Variants in LHFPL6 observed in about 807,000 individuals in gnomAD.
LHFPL6 encodes the protein LHFPL tetraspan subfamily member 6.
LHFPL6 carries 9 observed loss-of-function variants against 20.6 expected under a neutral mutation model. The observed-to-expected ratio is 0.44, with a 90% CI of 0.26 to 0.76. LHFPL6 has a LOEUF of 0.76. Ranked by LOEUF, LHFPL6 falls within the 30% of genes least tolerant of loss-of-function variation. The probability of loss-of-function intolerance (pLI) is 0.20; values close to 1 mark genes in which losing one functional copy is unlikely to be tolerated. For synonymous variants in LHFPL6, 105 were observed against 98.7 expected (o/e 1.06, Z -0.38); for missense variants, 218 against 253.5 (o/e 0.86, Z 0.95).
At chr13:39,490,490 T>C (rs923244658) in intron 2 of LHFPL6, among the ~76,000 whole-genome samples, 1 of 152,206 alleles carries the variant, frequency 6.6e-6, no homozygotes, top group African/African-American at 2.4e-5. Context: ...CTGTGTTAAC[T>C]CCATCTCCAC....
intron 2 of LHFPL6, among the ~76,000 whole-genome samples, chr13:39,469,691 G>T (rs967960344): frequency 4.6e-5 from 7 of 152,198 alleles, no homozygotes; most frequent in Non-Finnish European, 8.8e-5. Context: ...ATGTTTGTGG[G>T]TTTTGATTGA....
intron 2 of LHFPL6, among the ~76,000 whole-genome samples, chr13:39,387,547 C>CAAAAAA (rs141082421): frequency 3.4e-5 from 3 of 87,958 alleles, no homozygotes; most frequent in African/African-American, 9.4e-5. Flanking sequence ...GACTGTCTCA[C>CAAAAAA]AAAAAAAAAA....
rs533088809 is a variant in LHFPL6, at chr13:39,442,011, TAG to T, written c.386-63487_386-63486del. ...CGCCTGGCTAATTTTGTATTTTTAG[TAG>T]AGACAGGGTTTTACCACGTTAGCCA... On this transcript the variant is annotated intron_variant, in intron 2 of 3. Transcript: ENST00000379589. Among the ~76,000 whole-genome samples, 1,001 of 152,046 alleles carry T rather than the reference TAG, an allele frequency of 6.6e-3. 4 individuals carry two copies. Among genetic ancestry groups the T allele is most frequent in the Middle Eastern group, 0.01 (3 of 294 alleles).
At chr13:39,601,632 A>T (rs1050234510) in intron 1 of LHFPL6, among the ~76,000 whole-genome samples, 1 of 152,216 alleles carries the variant, frequency 6.6e-6, no homozygotes, top group Admixed American at 6.5e-5. Flanking sequence ...TATTTACTTA[A>T]AGAAACGCCC....
intron 2 of LHFPL6, among the ~76,000 whole-genome samples, chr13:39,565,334 T>G (rs1871676989): frequency 6.6e-6 from 1 of 151,748 alleles, no homozygotes; most frequent in South Asian, 2.1e-4. Flanking sequence ...AAAGAAAGGT[T>G]TTTTAAATTT....
In LHFPL6 at chr13:39,521,538, A is replaced by C. The variant is rs551867947; in HGVS notation, c.385+79294T>G. Among the ~76,000 whole-genome samples the C allele has an allele frequency of 2.0e-5, 3 of 152,244 alleles. No homozygotes were observed. The South Asian group carries it at 6.2e-4, about 32-fold the overall frequency. ...ATATTGATTGGTCAGTAGCAGCTAA[A>C]AATTTTTATATAGCAATAGGGCTGC... On this transcript the variant is annotated intron_variant, in intron 2 of 3. Transcript: ENST00000379589.
intron 2 of LHFPL6, among the ~76,000 whole-genome samples, chr13:39,536,970 C>T (rs1168291214): frequency 2.0e-5 from 3 of 152,218 alleles, no homozygotes; most frequent in Non-Finnish European, 2.9e-5. Context: ...CCAAAAGAAG[C>T]TCAGACATTT....
chr13:39,355,961 A>G (rs1163658035), intron 3 of LHFPL6, among the ~76,000 whole-genome samples: 1 of 152,226 alleles, frequency 6.6e-6, no homozygotes, highest in Non-Finnish European at 1.5e-5. Context: ...TCCCACTGAC[A>G]GTGTTAGGCA....
intron 2 of LHFPL6, among the ~76,000 whole-genome samples, chr13:39,430,306 C>G (rs1871759241): frequency 6.6e-6 from 1 of 152,200 alleles, no homozygotes; most frequent in African/African-American, 2.4e-5. Flanking sequence ...CATCAAGTAA[C>G]TGACTGATGT....
intron 2 of LHFPL6, among the ~76,000 whole-genome samples, chr13:39,566,151 C>A (rs9315705): frequency 0.81 from 122,877 of 152,072 alleles, 49,745 homozygotes; most frequent in Middle Eastern, 0.87. Flanking sequence ...CCTGTTGGAA[C>A]AAAAACAGAA....
intron 2 of LHFPL6, among the ~76,000 whole-genome samples, chr13:39,488,440 A>C (rs1267900636): frequency 6.6e-6 from 1 of 151,600 alleles, no homozygotes; most frequent in African/African-American, 2.4e-5. Flanking sequence ...AAGTGAGGTG[A>C]CTCTCCCTTT....
chr13:39,482,112 T>C (rs952385840), intron 2 of LHFPL6, among the ~76,000 whole-genome samples: 1 of 152,224 alleles, frequency 6.6e-6, no homozygotes, highest in African/African-American at 2.4e-5. Flanking sequence ...TATTGTCATA[T>C]GGATGTCATT....
intron 2 of LHFPL6, among the ~76,000 whole-genome samples, chr13:39,384,037 TA>T (rs1450338408): frequency 2.0e-4 from 31 of 152,346 alleles, no homozygotes; most frequent in African/African-American, 7.0e-4. Context: ...ATCCCTGGGC[TA>T]CATCCCTTCC....
At chr13:39,345,358 C>T (rs1157558426) in intron 3 of LHFPL6, among the ~76,000 whole-genome samples, 2 of 151,370 alleles carry the variant, frequency 1.3e-5, no homozygotes, top group African/African-American at 2.4e-5. Flanking sequence ...ACTAAAAATA[C>T]AAAAATTAGC....
chr13:39,562,614 ACACATATATACACACATATATAT>A (rs1871564981), intron 2 of LHFPL6, among the ~76,000 whole-genome samples: 1 of 64,694 alleles, frequency 1.5e-5, no homozygotes, highest in Non-Finnish European at 3.6e-5. Flanking sequence ...ATACATATAT[ACACATATATACACACATATATAT>A]ACACATATAT....
At chr13:39,600,726 T>G (rs1872910065) in intron 2 of LHFPL6, 106 bp downstream of exon 2, 1 of 1,162,338 alleles carries the variant, frequency 8.6e-7, no homozygotes. Context: ...ATTTCTCTTA[T>G]GCATTCCAGG....
chr13:39,534,067 C>G (rs1314905986), intron 2 of LHFPL6, among the ~76,000 whole-genome samples: 2 of 152,084 alleles, frequency 1.3e-5, no homozygotes, highest in African/African-American at 2.4e-5. Context: ...AAAATTAGAT[C>G]TATAACACCA....
chr13:39,355,408 G>A (rs1486174923), intron 3 of LHFPL6, among the ~76,000 whole-genome samples: 1 of 151,996 alleles, frequency 6.6e-6, no homozygotes, highest in East Asian at 1.9e-4. Flanking sequence ...GGAAATGAAC[G>A]AGTAGTACCT....
intron 3 of LHFPL6, among the ~76,000 whole-genome samples, chr13:39,375,689 CA>C (rs59712573): frequency 2.2e-3 from 283 of 129,388 alleles, no homozygotes; most frequent in Admixed American, 3.7e-3. Context: ...GTCTTTGTCT[CA>C]AAAAAAAAAA....
Sources: allele counts gnomAD v4.1 joint callset (sites outside exome capture counted in the v4.1 genomes callset), GRCh38; gene constraint gnomAD v4.1.1; transcripts MANE v1.5; gene names NCBI Gene and HGNC (gene_info 2026-07-23, HGNC 2026-07-21).